The following AKAP6 variants were observed in gnomAD, a reference collection of about 807,000 sequenced individuals.
AKAP6 encodes A-kinase anchor protein 6.
Under a neutral mutation model 188.5 loss-of-function variants are expected in AKAP6, and 58 were observed. The observed-to-expected ratio is 0.31, with a 90% CI of 0.25 to 0.38. The LOEUF (loss-of-function observed/expected upper bound fraction) is 0.38. Among genes scored for constraint, AKAP6 ranks in the 10% least tolerant of loss-of-function variants. The pLI is 1.00. For missense variants in AKAP6, 2,710 were observed against 2,740.0 expected, an observed-to-expected ratio of 0.99 and a Z score of 0.24; for synonymous variants, 989 against 998.6, an observed-to-expected ratio of 0.99 and a Z score of 0.18.
rs138230157 is a variant in AKAP6, at chr14:32,546,330, G to A, written c.1677G>A (p.Gln559=). 201 of 1,614,052 alleles carry A rather than the reference G, an allele frequency of 1.2e-4. No individual in the cohort carries two copies. In the Middle Eastern group the frequency reaches 1.8e-3, roughly 15 times the overall value. The change falls in exon 4 of 14, where the codon CAG becomes CAA. Residue 559 remains glutamine (Q), a synonymous_variant. Transcript: ENST00000280979. ...CATCCTCACTTGAGCCTTGTAATCAGAGAAGTTGGAATGCCAAATTGCAAT... is the reference window on the plus strand; with the variant it reads ...CATCCTCACTTGAGCCTTGTAATCAAAGAAGTTGGAATGCCAAATTGCAAT... ...ASTSSLEPCN[Q]RSWNAKLQLQ... is the part of the protein sequence containing the mutation.
chr14:32,789,868 G>C (rs1301151295), intron 12 of AKAP6, among the ~76,000 whole-genome samples: 3 of 152,202 alleles, frequency 2.0e-5, no homozygotes, highest in Non-Finnish European at 4.4e-5. Flanking sequence ...GGTTGGGGCT[G>C]AGATGGCTGA....
rs71419921 is a variant in AKAP6 at position 32,668,230 on chromosome 14, C to A, written c.2731-10081C>A. 3.9e-3 allele frequency among the ~76,000 whole-genome samples: 586 copies of A among 152,068 alleles called. 3 individuals are homozygous for A. Among genetic ancestry groups the A allele is most frequent in the Non-Finnish European group, 4.4e-3 (300 of 67,952 alleles). ...CCACCCTAGCTCATGACATAAAATG[C>A]GGAATTTTTAATGATTTTTAACTAC... is the stretch of plus-strand genomic sequence containing the variant. On this transcript the variant is annotated intron_variant, in intron 7 of 13. Coordinates refer to ENST00000280979, the MANE Select transcript of AKAP6 (RefSeq NM_004274.5).
chr14:32,489,297 C>T (rs1006627107), intron 2 of AKAP6, among the ~76,000 whole-genome samples: 2 of 152,178 alleles, frequency 1.3e-5, no homozygotes, highest in East Asian at 3.9e-4. Flanking sequence ...CAGTCTCAAA[C>T]TCCTGGGCTC....
intron 2 of AKAP6, among the ~76,000 whole-genome samples, chr14:32,483,291 G>T (rs1033727307): frequency 1.3e-5 from 2 of 152,028 alleles, no homozygotes; most frequent in East Asian, 3.9e-4. Flanking sequence ...CTTTATGAAG[G>T]TTTTGTGAAC....
chr14:32,692,731 G>A (rs1812246902), intron 8 of AKAP6, among the ~76,000 whole-genome samples: 3 of 152,118 alleles, frequency 2.0e-5, no homozygotes, highest in African/African-American at 7.2e-5. Flanking sequence ...CACTGAGGAT[G>A]CAAAGATAAT....
chr14:32,428,453 G>A (rs544276935), intron 1 of AKAP6, among the ~76,000 whole-genome samples: 1 of 152,144 alleles, frequency 6.6e-6, no homozygotes, highest in South Asian at 2.1e-4. Flanking sequence ...TGCCAGCATG[G>A]TGCAGCCCCG....
At chr14:32,608,578 C>A (rs914582482) in intron 7 of AKAP6, among the ~76,000 whole-genome samples, 87 of 149,256 alleles carry the variant, frequency 5.8e-4, no homozygotes, top group Non-Finnish European at 9.2e-4. Context: ...AGAATAGAAA[C>A]ATTTGGCTCA....
intron 2 of AKAP6, among the ~76,000 whole-genome samples, chr14:32,503,938 A>G (rs1357046229): frequency 6.6e-6 from 1 of 151,796 alleles, no homozygotes; most frequent in East Asian, 1.9e-4. Context: ...GTTTGTTATT[A>G]TTTATATTAA....
chr14:32,406,261 G>A (rs954376012), intron 1 of AKAP6, among the ~76,000 whole-genome samples: 1 of 152,196 alleles, frequency 6.6e-6, no homozygotes, highest in Non-Finnish European at 1.5e-5. Context: ...GTGGGAGGGA[G>A]TGCAGTGGTG....
At chr14:32,335,372 T>A (rs1046510663) in intron 1 of AKAP6, among the ~76,000 whole-genome samples, 1 of 152,202 alleles carries the variant, frequency 6.6e-6, no homozygotes, top group African/African-American at 2.4e-5. Context: ...CATATGGCCC[T>A]TTTGGTGCCC....
At chr14:32,471,195 T>C (rs1221322801) in intron 2 of AKAP6, among the ~76,000 whole-genome samples, 1 of 152,228 alleles carries the variant, frequency 6.6e-6, no homozygotes, top group Non-Finnish European at 1.5e-5. Flanking sequence ...TTTGGATTCT[T>C]TAAAAACGTT....
chr14:32,682,995 C>CTTTTTTTTTTTTTT (rs71115090), intron 8 of AKAP6, among the ~76,000 whole-genome samples: 1 of 142,258 alleles, frequency 7.0e-6, no homozygotes, highest in Non-Finnish European at 1.5e-5. Flanking sequence ...TTTTTTCTTC[C>CTTTTTTTTTTTTTT]TTTTTTTTTT....
chr14:32,764,135 C>A (rs1246382782), intron 11 of AKAP6, among the ~76,000 whole-genome samples: 2 of 152,254 alleles, frequency 1.3e-5, no homozygotes, highest in East Asian at 1.9e-4. Context: ...TAATTTACAT[C>A]TTCCTCAGGA....
intron 1 of AKAP6, among the ~76,000 whole-genome samples, chr14:32,359,326 A>T (rs1362607753): frequency 1.3e-5 from 2 of 152,132 alleles, no homozygotes; most frequent in Non-Finnish European, 2.9e-5. Context: ...TTTAAAAACA[A>T]TTTTTAAATA....
chr14:32,431,407 C>T (rs1890220712), intron 1 of AKAP6, among the ~76,000 whole-genome samples: 1 of 152,150 alleles, frequency 6.6e-6, no homozygotes, highest in South Asian at 2.1e-4. Context: ...AGCCTGAAGC[C>T]ATTCTCTAAG....
At chr14:32,623,865 A>G (rs574955319) in intron 7 of AKAP6, among the ~76,000 whole-genome samples, 5 of 152,274 alleles carry the variant, frequency 3.3e-5, no homozygotes, top group Non-Finnish European at 7.4e-5. Context: ...GTCTGTCTGC[A>G]TCTGACTGCC....
intron 2 of AKAP6, among the ~76,000 whole-genome samples, chr14:32,520,185 A>G (rs1357951011): frequency 6.6e-6 from 1 of 152,252 alleles, no homozygotes. Context: ...TCTCTGGGAC[A>G]CATTTAAAGC....
At chr14:32,583,773 C>T (rs1056610950) in intron 5 of AKAP6, among the ~76,000 whole-genome samples, 8 of 152,198 alleles carry the variant, frequency 5.3e-5, no homozygotes, top group African/African-American at 1.7e-4. Flanking sequence ...GTAGGACCCT[C>T]TGAGCCAGGT....
chr14:32,377,168 A>G (rs1888183164), intron 1 of AKAP6, among the ~76,000 whole-genome samples: 1 of 152,164 alleles, frequency 6.6e-6, no homozygotes, highest in African/African-American at 2.4e-5. Context: ...TTAAAGTCGG[A>G]CTTGGATTTC....
Sources: gnomAD v4.1 joint callset for allele counts (sites outside exome capture counted in the v4.1 genomes callset) on GRCh38, gnomAD v4.1.1 for gene constraint, MANE v1.5 for transcripts, NCBI Gene and HGNC (gene_info 2026-07-23, HGNC 2026-07-21) for gene names.